The following DENND2C variants were observed in gnomAD, a reference collection of about 807,000 sequenced individuals.
DENND2C encodes the protein DENN domain containing 2C.
In DENND2C, 72 loss-of-function variants were observed where a neutral mutation model predicts 112.4. The ratio of observed to expected loss-of-function variants is 0.64; its 90% CI spans 0.53 to 0.78. The LOEUF (loss-of-function observed/expected upper bound fraction) is 0.78, where lower values mean the gene tolerates loss of function less well. Among genes scored for constraint, DENND2C ranks in the 30% least tolerant of loss-of-function variants. The probability of loss-of-function intolerance (pLI) is 0.00; values close to 1 mark genes in which losing one functional copy is unlikely to be tolerated. For missense variants in DENND2C, 992 were observed against 1,113.8 expected (o/e 0.89, Z 1.56); for synonymous variants, 329 against 381.6 (o/e 0.86, Z 1.61).
Position 114,600,826 on chromosome 1 carries a change from T to C in DENND2C, c.1950A>G (p.Gly650=), listed in dbSNP as rs1338086606. Reference sequence around the variant, plus strand: ...TCAAAATGAGCTAACTTACCTCATCTCCAGCCCCAGGGAGGTAACTCTTAA... The same window carrying C: ...TCAAAATGAGCTAACTTACCTCATCCCCAGCCCCAGGGAGGTAACTCTTAA... ...ITVKSYLPGA[G]DESIELCRPL... The change falls in exon 14 of 21, where the codon GGA becomes GGG. Residue 650 remains glycine, a synonymous_variant. Transcript: ENST00000393274. 1 of 1,611,674 alleles carries C rather than the reference T, an allele frequency of 6.2e-7. No individual in the cohort carries two copies. The highest frequency in any genetic ancestry group is 1.7e-5 in the Admixed American group (1 of 59,446).
chr1:114,596,487 C>A (rs1396952499), intron 16 of DENND2C, among the ~76,000 whole-genome samples: 2 of 152,132 alleles, frequency 1.3e-5, no homozygotes, highest in Non-Finnish European at 2.9e-5. Context: ...TTGCTGATAT[C>A]AAGGAATTGT....
chr1:114,667,750 A>T (rs1046494471), intron 1 of DENND2C, among the ~76,000 whole-genome samples: 9 of 152,328 alleles, frequency 5.9e-5, no homozygotes, highest in African/African-American at 2.2e-4. Flanking sequence ...TTTGAAACTC[A>T]GTATAGCGCA....
intron 5 of DENND2C, 89 bp from the exon 6 acceptor site, chr1:114,623,188 T>C (rs1369737389): frequency 4.0e-6 from 5 of 1,243,298 alleles, no homozygotes; most frequent in Non-Finnish European, 5.5e-6. Context: ...AAGCTAACTA[T>C]GTTCAGCTTT....
chr1:114,618,237 C>T, intron 8 of DENND2C, 149 bp downstream of exon 8: 1 of 359,616 alleles, frequency 2.8e-6, no homozygotes, highest in Non-Finnish European at 5.0e-6. Context: ...ATCCACCCGC[C>T]TTGGCCTCCC....
chr1:114,594,889 G>C (rs1256379015), intron 17 of DENND2C, among the ~76,000 whole-genome samples: 1 of 152,148 alleles, frequency 6.6e-6, no homozygotes, highest in Admixed American at 6.5e-5. Context: ...TGAGCTAATT[G>C]ATTCTGAAAA....
intron 1 of DENND2C, among the ~76,000 whole-genome samples, chr1:114,668,553 ACC>A (rs1553239524): frequency 3.4e-5 from 5 of 148,724 alleles, no homozygotes; most frequent in South Asian, 2.1e-4. Flanking sequence ...ACACACACAC[ACC>A]CCAACTAATG....
chr1:114,650,530 C>T (rs868275612), intron 2 of DENND2C, among the ~76,000 whole-genome samples: 10 of 151,314 alleles, frequency 6.6e-5, no homozygotes, highest in Middle Eastern at 6.8e-3. Flanking sequence ...AAAATTTAGC[C>T]AGGCATAGTG....
rs779637959 is a variant in DENND2C, at chr1:114,587,934, A to G, written c.2450T>C (p.Leu817Pro). 2 of 1,614,202 alleles carry G rather than the reference A, an allele frequency of 1.2e-6. No homozygotes were observed. The highest frequency in any genetic ancestry group is 1.7e-6 in the Non-Finnish European group (2 of 1,180,044). Reference sequence around the variant, plus strand: ...AAACCTGACAAATGCTTCGGACACCAGAGAGTTGAGTGTCACATCTGCTGC... The same window carrying G: ...AAACCTGACAAATGCTTCGGACACCGGAGAGTTGAGTGTCACATCTGCTGC... ...NFSQDVTLNS[L>P]VSEAFVRFFV... The change falls in exon 19 of 21, where the codon CTG (leucine) becomes CCG (proline). Residue 817 changes from leucine to proline, a missense_variant. By Grantham distance (98) the Leu-to-Pro change is moderately conservative (BLOSUM62 -3). Coordinates refer to ENST00000393274, the MANE Select transcript of DENND2C (RefSeq NM_001256404.2).
intron 1 of DENND2C, among the ~76,000 whole-genome samples, chr1:114,660,450 G>C (rs1391626137): frequency 2.6e-5 from 4 of 152,280 alleles, no homozygotes; most frequent in South Asian, 2.1e-4. Context: ...AAGCTTTCCT[G>C]CTGCCCTGGA....
At position 114,589,989 on chromosome 1, in the gene DENND2C, C is replaced by T. The variant is rs141572736; in HGVS notation, c.2432-2037G>A. Among the ~76,000 whole-genome samples the T allele has an allele frequency of 3.2e-4, 48 of 152,332 alleles. No individual in the cohort carries two copies. In the East Asian group the frequency reaches 9.1e-3, roughly 29 times the overall value. ...CTGCATTATAGTTTCACTATACACA[C>T]ATAAAACCCCAATAGCATATTAGTA... On this transcript the variant is annotated intron_variant, in intron 18 of 20. Coordinates refer to ENST00000393274, the MANE Select transcript of DENND2C (RefSeq NM_001256404.2).
chr1:114,587,750 G>C lies in DENND2C; in HGVS notation c.2634C>G (p.Ile878Met). ...CACTTTTCCGAAGCTCTCGGTCCTG[G>C]ATGAATCCTGCAAACATCTGAGTTT... ...FMETQMFAGFIQDRELRKSGV... is the reference protein window; with the variant it reads ...FMETQMFAGFMQDRELRKSGV... Residue 878 changes from isoleucine to methionine, a missense_variant, in exon 19 of 21, where the codon ATC becomes ATG. Around this residue, in one of 3 missense-constraint regions of DENND2C, gnomAD observed 516 missense variants for 623.6 expected, o/e 0.83. Coordinates refer to ENST00000393274, the MANE Select transcript of DENND2C (RefSeq NM_001256404.2). The C allele has an allele frequency of 6.2e-7, 1 of 1,613,956 alleles. No homozygotes were observed. Among genetic ancestry groups the C allele is most frequent in the Non-Finnish European group, 8.5e-7 (1 of 1,179,900 alleles).
At chr1:114,645,698 T>C (rs1570803291) in intron 2 of DENND2C, 139 bp from the exon 3 acceptor site, 2 of 152,208 alleles carry the variant, frequency 1.3e-5, no homozygotes, top group African/African-American at 2.4e-5. Flanking sequence ...AGGATTTTTG[T>C]TGAAATTTGA....
chr1:114,594,776 T>C (rs553258445), intron 17 of DENND2C, among the ~76,000 whole-genome samples, 198 bp from the exon 18 acceptor site: 3 of 152,332 alleles, frequency 2.0e-5, no homozygotes, highest in Non-Finnish European at 4.4e-5. Flanking sequence ...TAAAAAAATA[T>C]ATACTTTGTA....
intron 14 of DENND2C, 82 bp from the exon 15 acceptor site, chr1:114,600,434 A>T: frequency 6.5e-7 from 1 of 1,546,824 alleles, no homozygotes; most frequent in South Asian, 1.2e-5. Context: ...TGTTATTCTT[A>T]TATAAGTTAA....
chr1:114,631,234 AAT>A (rs1656479925), intron 3 of DENND2C, among the ~76,000 whole-genome samples: 4 of 151,468 alleles, frequency 2.6e-5, no homozygotes, highest in African/African-American at 9.7e-5. Context: ...AAATCAGCTG[AAT>A]GTGGTGGCAC....
At chr1:114,618,514 A>G in intron 7 of DENND2C, 32 bp from the exon 8 acceptor site, 1 of 1,368,186 alleles carries the variant, frequency 7.3e-7, no homozygotes, top group Admixed American at 2.3e-5. Context: ...ACAAATTAAG[A>G]CCAACACCCA....
At chr1:114,602,844 A>G (rs1354681359) in intron 11 of DENND2C, among the ~76,000 whole-genome samples, 1 of 152,110 alleles carries the variant, frequency 6.6e-6, no homozygotes, top group East Asian at 1.9e-4. Context: ...GATTATAGAC[A>G]TGAGCCACTG....
At chr1:114,669,802 G>A (rs900907210) in intron 1 of DENND2C, among the ~76,000 whole-genome samples, 181 bp downstream of exon 1, 1 of 152,070 alleles carries the variant, frequency 6.6e-6, no homozygotes, top group Non-Finnish European at 1.5e-5. Flanking sequence ...TCCGGACGGA[G>A]GAGGTGCCGA....
rs1186305806 is a variant in DENND2C at position 114,625,465 on chromosome 1, T to C, written c.520A>G (p.Lys174Glu). ...LALEHCDSSE[K>E]ELNFRVLDSS... ...TCCAGAACTCTGAAGTTCAGTTCTT[T>C]TTCTGAAGAGTCACAATGTTCTAAA... Residue 174 changes from lysine to glutamate, a missense_variant, in exon 4 of 21, where the codon AAA becomes GAA. By Grantham distance (56) the Lys-to-Glu change is moderately conservative (BLOSUM62 1). Transcript: ENST00000393274. 3.1e-5 allele frequency: 50 copies of C among 1,614,072 alleles called. No individual in the cohort carries two copies. The highest frequency in any genetic ancestry group is 3.9e-5 in the Non-Finnish European group (46 of 1,180,032).
Sources: gnomAD v4.1 joint callset for allele counts (sites outside exome capture counted in the v4.1 genomes callset) on GRCh38, gnomAD v4.1.1 for gene constraint, gnomAD v4.1.1 regional missense constraint, MANE v1.5 for transcripts, NCBI Gene and HGNC (gene_info 2026-07-23, HGNC 2026-07-21) for gene names.